The following UBR3 variants were observed in gnomAD, a reference collection of about 807,000 sequenced individuals.
UBR3 encodes ubiquitin protein ligase E3 component n-recognin 3.
UBR3 carries 85 observed loss-of-function variants against 243.2 expected under a neutral mutation model. That is an observed-to-expected ratio of 0.35 (90% CI 0.29 to 0.42). UBR3 has a LOEUF of 0.42. Ranked by LOEUF, UBR3 falls within the 10% of genes least tolerant of loss-of-function variation. The pLI is 1.00. For synonymous variants in UBR3, 748 were observed against 799.8 expected (o/e 0.94, Z 1.09); for missense variants, 1,686 against 2,300.8 (o/e 0.73, Z 5.47).
intron 10 of UBR3, among the ~76,000 whole-genome samples, chr2:169,913,236 T>G (rs1028429033): frequency 6.6e-6 from 1 of 152,238 alleles, no homozygotes; most frequent in Admixed American, 6.5e-5. Flanking sequence ...TCATTGTGGC[T>G]TTGATTTGCA....
intron 10 of UBR3, among the ~76,000 whole-genome samples, chr2:169,910,893 C>G (rs1221914864): frequency 5.3e-5 from 8 of 151,992 alleles, no homozygotes; most frequent in Admixed American, 3.3e-4. Context: ...CCAGAATTTC[C>G]AAAGCTTTTT....
At chr2:169,863,134 C>G (rs2083145288) in intron 1 of UBR3, among the ~76,000 whole-genome samples, 1 of 152,136 alleles carries the variant, frequency 6.6e-6, no homozygotes, top group African/African-American at 2.4e-5. Flanking sequence ...CAGTAACTTG[C>G]AAATAGACCA....
chr2:169,892,733 A>G (rs2084423044), intron 6 of UBR3, among the ~76,000 whole-genome samples: 2 of 152,218 alleles, frequency 1.3e-5, no homozygotes, highest in African/African-American at 2.4e-5. Flanking sequence ...ATTTTGTTCC[A>G]CAGCTTGAAA....
chr2:169,864,806 C>A (rs978486284), intron 1 of UBR3, among the ~76,000 whole-genome samples: 5 of 150,422 alleles, frequency 3.3e-5, no homozygotes, highest in Non-Finnish European at 7.4e-5. Context: ...ACTCGGAAGG[C>A]TGAGGCAGGA....
intron 1 of UBR3, among the ~76,000 whole-genome samples, chr2:169,867,561 C>T (rs928009875): frequency 4.6e-5 from 7 of 152,136 alleles, no homozygotes; most frequent in African/African-American, 1.4e-4. Context: ...GCTTGTGTTA[C>T]GAACATTTAC....
intron 19 of UBR3, among the ~76,000 whole-genome samples, chr2:169,940,899 A>G (rs2086557279): frequency 6.6e-6 from 1 of 152,216 alleles, no homozygotes; most frequent in African/African-American, 2.4e-5. Context: ...TATAAGCAGG[A>G]TGATGAATTC....
chr2:169,872,175 AAAT>A (rs1312183252), intron 1 of UBR3, 58 bp from the exon 2 acceptor site: 56 of 1,178,108 alleles, frequency 4.8e-5, no homozygotes, highest in Non-Finnish European at 6.0e-5. Context: ...TTGTAAATAG[AAAT>A]AATATATTTT....
intron 32 of UBR3, among the ~76,000 whole-genome samples, chr2:170,047,183 G>A (rs2091108675): frequency 1.3e-4 from 1 of 7,544 alleles, no homozygotes; most frequent in Admixed American, 2.7e-3. Flanking sequence ...TGTAGAGACG[G>A]TGGCGGTGTC....
intron 1 of UBR3, among the ~76,000 whole-genome samples, chr2:169,864,745 A>G (rs980064659): frequency 1.3e-5 from 2 of 152,008 alleles, no homozygotes; most frequent in African/African-American, 4.8e-5. Flanking sequence ...CTACTAAAAA[A>G]AATACAAAAA....
At chr2:169,896,113 C>T (rs974534537) in intron 7 of UBR3, among the ~76,000 whole-genome samples, 2 of 152,034 alleles carry the variant, frequency 1.3e-5, no homozygotes, top group Non-Finnish European at 2.9e-5. Context: ...TCTGGCCAAA[C>T]CCCATCTCTA....
chr2:169,986,874 T>C, intron 25 of UBR3, 80 bp downstream of exon 25: 1 of 1,442,668 alleles, frequency 6.9e-7, no homozygotes. Context: ...CTGTATTAAA[T>C]GAAAATTATA....
At chr2:169,830,204 A>G (rs1429529992) in intron 1 of UBR3, among the ~76,000 whole-genome samples, 1 of 152,050 alleles carries the variant, frequency 6.6e-6, no homozygotes, top group African/African-American at 2.4e-5. Flanking sequence ...GCTTTCCAGT[A>G]TAAAATTAAA....
At chr2:169,832,919 G>A (rs1042752849) in intron 1 of UBR3, among the ~76,000 whole-genome samples, 13 of 151,616 alleles carry the variant, frequency 8.6e-5, no homozygotes, top group African/African-American at 3.1e-4. Context: ...GGCAACAAGA[G>A]TGAAACTCCA....
Position 169,827,888 on chromosome 2 carries a change from C to T in UBR3, c.381C>T (p.Asn127=). The change falls in exon 1 of 39, where the codon AAC becomes AAT. Residue 127 remains asparagine, a synonymous_variant. Transcript: ENST00000272793. ...AALCGLVWTA[N]FVAYRCRTCG... ...TCTGCGGCCTGGTCTGGACAGCCAACTTCGTGGCCTACCGCTGCCGGACGT... is the reference window on the plus strand; with the variant it reads ...TCTGCGGCCTGGTCTGGACAGCCAATTTCGTGGCCTACCGCTGCCGGACGT... 1 of 1,519,524 alleles carries T rather than the reference C, an allele frequency of 6.6e-7. No homozygotes were observed. Among genetic ancestry groups the T allele is most frequent in the South Asian group, 1.2e-5 (1 of 81,538 alleles). The allele number at this position is 1,519,524 out of a possible 1,614,324, so 94.1% of individuals were successfully genotyped here.
rs1234801827 is a variant in UBR3, at chr2:169,928,800, T to C, written c.2498T>C (p.Val833Ala). The change falls in exon 18 of 39, where the codon GTA becomes GCA. Residue 833 changes from valine (V) to alanine (A), a missense_variant. Physicochemically the swap from Val to Ala is moderately conservative, Grantham distance 64. This residue lies in a region of UBR3 where 346 missense variants were observed against 585.8 expected (regional missense o/e 0.59). Transcript: ENST00000272793. ...SYSFESVLSA[V>A]ADFKAPVFEP... ...AGCTTTGAATCAGTTTTATCAGCTGTAGCTGATTTTAAGGCTCCTGTTTTT... is the reference window on the plus strand; with the variant it reads ...AGCTTTGAATCAGTTTTATCAGCTGCAGCTGATTTTAAGGCTCCTGTTTTT... The C allele has an allele frequency of 1.3e-6, 2 of 1,515,398 alleles. No homozygotes were observed. Among genetic ancestry groups the C allele is most frequent in the South Asian group, 2.5e-5 (2 of 79,030 alleles). 93.9% of individuals were successfully genotyped at this position (1,515,398 alleles called of 1,614,324 possible). A position where few individuals can be genotyped will look rare whatever the true frequency, so the allele number is the denominator to read the frequency against.
intron 6 of UBR3, among the ~76,000 whole-genome samples, chr2:169,892,191 G>T (rs2084402276): frequency 6.6e-6 from 1 of 152,190 alleles, no homozygotes; most frequent in African/African-American, 2.4e-5. Flanking sequence ...TTGATCTGCA[G>T]TCCAGGATGC....
intron 32 of UBR3, among the ~76,000 whole-genome samples, chr2:170,044,447 G>T (rs1224075022): frequency 2.0e-5 from 3 of 152,062 alleles, no homozygotes; most frequent in African/African-American, 7.2e-5. Context: ...ATATATTAAA[G>T]ACAAGTTTTT....
At chr2:169,876,011 A>G (rs2083590623) in intron 3 of UBR3, 62 bp downstream of exon 3, 1 of 1,301,258 alleles carries the variant, frequency 7.7e-7, no homozygotes, top group Non-Finnish European at 1.0e-6. Flanking sequence ...TAAGAAATTG[A>G]GTCTTTTAGA....
intron 29 of UBR3, among the ~76,000 whole-genome samples, chr2:170,013,563 ATAAT>A (rs1250199923): frequency 6.6e-6 from 1 of 152,198 alleles, no homozygotes; most frequent in Non-Finnish European, 1.5e-5. Context: ...ATAATCTGGA[ATAAT>A]TAATTAGATT....
Sources: allele counts gnomAD v4.1 joint callset (sites outside exome capture counted in the v4.1 genomes callset), GRCh38; gene constraint gnomAD v4.1.1; regional missense constraint gnomAD v4.1.1; transcripts MANE v1.5; gene names NCBI Gene and HGNC (gene_info 2026-07-23, HGNC 2026-07-21).